Variants in MAN2A1 observed in about 807,000 individuals in gnomAD.
MAN2A1 encodes mannosidase alpha class 2A member 1, also known as alpha-mannosidase 2.
Under a neutral mutation model 142.6 loss-of-function variants are expected in MAN2A1, and 76 were observed. That is an observed-to-expected ratio of 0.53 (90% CI 0.44 to 0.65). The LOEUF (loss-of-function observed/expected upper bound fraction) is 0.65, where lower values mean the gene tolerates loss of function less well. Ranked by LOEUF, MAN2A1 falls within the 30% of genes least tolerant of loss-of-function variation. The pLI, the probability that MAN2A1 is intolerant of heterozygous loss-of-function variation, is 0.00. For synonymous variants in MAN2A1, 559 were observed against 473.2 expected (o/e 1.18, Z -2.35); for missense variants, 1,311 against 1,365.1 (o/e 0.96, Z 0.62).
At chr5:109,706,878 C>T (rs1751149312) in intron 1 of MAN2A1, among the ~76,000 whole-genome samples, 1 of 152,072 alleles carries the variant, frequency 6.6e-6, no homozygotes, top group African/African-American at 2.4e-5. Context: ...TATATATCTT[C>T]TACAGCTCTT....
chr5:109,857,476 A>T (rs56083856), intron 20 of MAN2A1, among the ~76,000 whole-genome samples: 1,543 of 152,256 alleles, frequency 0.01, 4 homozygotes, highest in Middle Eastern at 0.034. Context: ...CGACCTGAAG[A>T]ACCCAGAGGC....
intron 17 of MAN2A1, among the ~76,000 whole-genome samples, 166 bp downstream of exon 17, chr5:109,842,627 T>C (rs1210124046): frequency 1.3e-5 from 2 of 151,976 alleles, no homozygotes; most frequent in Non-Finnish European, 2.9e-5. Context: ...GTTCTACAGT[T>C]AGAAGAAATA....
intron 12 of MAN2A1, among the ~76,000 whole-genome samples, chr5:109,794,816 T>C (rs188372266): frequency 6.6e-6 from 1 of 152,248 alleles, no homozygotes; most frequent in Admixed American, 6.5e-5. Context: ...TGTTTAAATA[T>C]ATATTGCTTG....
chr5:109,761,492 C>T (rs760076427), intron 5 of MAN2A1, among the ~76,000 whole-genome samples: 2 of 151,892 alleles, frequency 1.3e-5, no homozygotes, highest in South Asian at 2.1e-4. Flanking sequence ...CTCATGTTTC[C>T]GTGGATGTGA....
chr5:109,812,437 A>G (rs1226199506), intron 12 of MAN2A1, among the ~76,000 whole-genome samples: 4 of 152,174 alleles, frequency 2.6e-5, no homozygotes, highest in African/African-American at 7.2e-5. Context: ...AAAATGGTAT[A>G]TATCAAAAGA....
intron 4 of MAN2A1, among the ~76,000 whole-genome samples, chr5:109,733,086 G>C (rs1257525582): frequency 2.0e-5 from 3 of 152,216 alleles, no homozygotes; most frequent in East Asian, 3.9e-4. Context: ...CACATCCCTT[G>C]TAAGTTGGAT....
chr5:109,747,577 A>G (rs1436869114), intron 4 of MAN2A1, among the ~76,000 whole-genome samples: 2 of 152,120 alleles, frequency 1.3e-5, no homozygotes, highest in Admixed American at 6.6e-5. Flanking sequence ...ATACAAAGGT[A>G]ACAAAGAGCT....
intron 12 of MAN2A1, among the ~76,000 whole-genome samples, chr5:109,800,899 G>T (rs1010370467): frequency 6.6e-6 from 1 of 152,174 alleles, no homozygotes; most frequent in African/African-American, 2.4e-5. Flanking sequence ...TAATCATTAG[G>T]CAATTAAATA....
chr5:109,726,391 T>C (rs1410972459), intron 3 of MAN2A1, among the ~76,000 whole-genome samples: 1 of 152,190 alleles, frequency 6.6e-6, no homozygotes, highest in Non-Finnish European at 1.5e-5. Flanking sequence ...GCTAATTTAC[T>C]GTTATATTAC....
intron 10 of MAN2A1, among the ~76,000 whole-genome samples, chr5:109,787,407 A>G (rs1335523796): frequency 6.6e-6 from 1 of 151,988 alleles, no homozygotes; most frequent in African/African-American, 2.4e-5. Flanking sequence ...GGATAAGTGT[A>G]TGTTTGGAAA....
intron 16 of MAN2A1, chr5:109,840,654 C>G (rs1336851924): frequency 4.4e-6 from 2 of 455,698 alleles, no homozygotes; most frequent in Admixed American, 4.8e-5. Context: ...AACACATTTT[C>G]AGGTTCTACA....
rs1202096239 is a variant in MAN2A1, at chr5:109,804,360, A to G, written c.1944-12913A>G. ...GAGTAGCGCTTTTTTTAAAATTTTT[A>G]TTTTTTTTAGGCAAGACAATTGTAT... is the stretch of plus-strand genomic sequence containing the variant. On this transcript the variant is annotated intron_variant, in intron 12 of 21. Coordinates refer to ENST00000261483, the MANE Select transcript of MAN2A1 (RefSeq NM_002372.4). 4.8e-6 allele frequency: 4 copies of G among 833,528 alleles called. No individual in the cohort carries two copies. The African/African-American group carries it at 5.5e-5, about 12-fold the overall frequency. 51.6% of individuals were successfully genotyped at this position (833,528 alleles called of 1,614,324 possible). A position where few individuals can be genotyped will look rare whatever the true frequency, so the allele number is the denominator to read the frequency against.
rs527627425 is a variant in MAN2A1, at chr5:109,734,667, G to A, written c.707+5154G>A. On this transcript the variant is annotated intron_variant, in intron 4 of 21. Transcript: ENST00000261483. ...CAGGAACAGGTTGTTCAGTTTCCAT[G>A]TAGTTGAGTGGTTTTGAGTGAGTTT... Among the ~76,000 whole-genome samples, 548 of 152,298 alleles carry A rather than the reference G, an allele frequency of 3.6e-3. 4 individuals carry two copies. The highest frequency in any genetic ancestry group is 0.013 in the African/African-American group (530 of 41,556).
Position 109,690,332 on chromosome 5 carries a change from G to T in MAN2A1, c.-86G>T. ...AGGTCGCGCAGCCCGGGAGAAGGGA[G>T]CCTCCGGCGGCTGCTTCCTAGAGTC... On this transcript the variant is annotated 5_prime_UTR_variant, in exon 1 of 22. Transcript: ENST00000261483. 6.9e-7 allele frequency: 1 copy of T among 1,445,112 alleles called. No homozygotes were observed. Among genetic ancestry groups the T allele is most frequent in the Non-Finnish European group, 9.7e-7 (1 of 1,030,846 alleles). The allele number at this position is 1,445,112 out of a possible 1,614,324, so 89.5% of individuals were successfully genotyped here. A position where few individuals can be genotyped will look rare whatever the true frequency, so the allele number is the denominator to read the frequency against.
In MAN2A1 at chr5:109,869,075, T is replaced by C. The variant is rs891476313; in HGVS notation, c.*2077T>C. On this transcript the variant is annotated 3_prime_UTR_variant, in exon 22 of 22. Coordinates refer to ENST00000261483, the MANE Select transcript of MAN2A1 (RefSeq NM_002372.4). ...TCACAGGTAAAGCAGAAATTCTCTT[T>C]AACCAGCAAGTTTCTGCTTTTTAAG... is the stretch of plus-strand genomic sequence containing the variant. 6.6e-6 allele frequency: 1 copy of C among 152,224 alleles called. No homozygotes were observed. The highest frequency in any genetic ancestry group is 1.5e-5 in the Non-Finnish European group (1 of 68,024). 9.4% of individuals were successfully genotyped at this position (152,224 alleles called of 1,614,324 possible). A position where few individuals can be genotyped will look rare whatever the true frequency, so the allele number is the denominator to read the frequency against.
chr5:109,808,927 T>G (rs34052755), intron 12 of MAN2A1, among the ~76,000 whole-genome samples: 66,017 of 151,778 alleles, frequency 0.43, 15,366 homozygotes, highest in African/African-American at 0.61. Context: ...GGTCTCGAAC[T>G]CCTTACCTCG....
intron 16 of MAN2A1, among the ~76,000 whole-genome samples, chr5:109,828,239 C>G (rs1180527758): frequency 6.6e-6 from 1 of 151,968 alleles, no homozygotes; most frequent in African/African-American, 2.4e-5. Flanking sequence ...TAGAAAATAA[C>G]ACTCTTCTGG....
Position 109,729,566 on chromosome 5 carries a change from A to G in MAN2A1, c.707+53A>G, listed in dbSNP as rs1015548081. ...GGTAATATTAAAGCTTAATTGTACAATGAACTAAGTATTGAATTTTTAGAT... is the reference window on the plus strand; with the variant it reads ...GGTAATATTAAAGCTTAATTGTACAGTGAACTAAGTATTGAATTTTTAGAT... On this transcript the variant is annotated intron_variant, in intron 4 of 21. Coordinates refer to ENST00000261483, the MANE Select transcript of MAN2A1 (RefSeq NM_002372.4). The G allele has an allele frequency of 2.5e-5, 24 of 943,484 alleles. No individual in the cohort carries two copies. In the South Asian group the frequency reaches 5.3e-4, roughly 21 times the overall value. 58.4% of individuals were successfully genotyped at this position (943,484 alleles called of 1,614,324 possible).
At position 109,819,862 on chromosome 5, in the gene MAN2A1, G is replaced by A. The variant is rs370130950; in HGVS notation, c.2303G>A (p.Arg768Gln). The part of the protein sequence containing the change: ...ITLENSFVLL[R>Q]FDQTGLMKQM... ...CTAGAGAACTCCTTTGTTTTACTTC[G>A]GTTTGATCAAACTGGACTTATGAAG... The change falls in exon 14 of 22, where the codon CGG becomes CAG. Residue 768 changes from arginine to glutamine, a missense_variant. Physicochemically the swap from Arg to Gln is conservative, Grantham distance 43. This residue lies in a region of MAN2A1 where 890 missense variants were observed against 920.5 expected (regional missense o/e 0.97). Transcript: ENST00000261483. 7.5e-6 allele frequency: 12 copies of A among 1,596,426 alleles called. No individual in the cohort carries two copies. Among genetic ancestry groups the A allele is most frequent in the East Asian group, 4.5e-5 (2 of 44,464 alleles).
Sources: allele counts gnomAD v4.1 joint callset (sites outside exome capture counted in the v4.1 genomes callset), GRCh38; gene constraint gnomAD v4.1.1; regional missense constraint gnomAD v4.1.1; transcripts MANE v1.5; gene names NCBI Gene and HGNC (gene_info 2026-07-23, HGNC 2026-07-21).